Variants in FOSL1 observed in about 807,000 individuals in gnomAD.
FOSL1 encodes fos-related antigen 1.
A neutral mutation model predicts 24.9 loss-of-function variants in FOSL1; 14 were observed. The observed-to-expected ratio is 0.56, with a 90% confidence interval of 0.37 to 0.88. FOSL1 has a LOEUF of 0.88. Among genes scored for constraint, FOSL1 ranks in the 40% least tolerant of loss-of-function variants. The pLI is 0.00. For synonymous variants in FOSL1, 133 were observed against 145.1 expected (o/e 0.92, Z 0.60); for missense variants, 318 against 359.8 (o/e 0.88, Z 0.94).
chr11:65,894,186 G>A (rs1435150013), intron 2 of FOSL1, 65 bp from the exon 3 acceptor site: 1 of 1,205,910 alleles, frequency 8.3e-7, no homozygotes, highest in Non-Finnish European at 1.2e-6. Flanking sequence ...CGCCCCTCAT[G>A]GTGGCCCAGT....
chr11:65,893,374 TGAGGAGCTGGGGTTGGGCGGGGGGAGAG>T (rs1417768835), intron 3 of FOSL1, 78 bp from the exon 4 acceptor site: 6 of 1,194,902 alleles, frequency 5.0e-6, no homozygotes, highest in Non-Finnish European at 6.9e-6. Context: ...CTCAGGGTTC[TGAGGAGCTGGGGTTGGGCGGGGGGAGAG>T]GGGGGGCAGT....
chr11:65,894,282 G>A lies in FOSL1; in HGVS notation c.298-161C>T, dbSNP rs73494420. ...CACCCAACCAGTTCCCTGCACTGAG[G>A]CGCTGTCTGCTTTGATTGGTAAAAT... On this transcript the variant is annotated intron_variant, in intron 2 of 3. Transcript: ENST00000312562. Among the ~76,000 whole-genome samples, 1,496 of 152,262 alleles carry A rather than the reference G, an allele frequency of 9.8e-3. 21 individuals carry two copies. The highest frequency in any genetic ancestry group is 0.033 in the African/African-American group (1,387 of 41,538).
At chr11:65,897,525 A>G in intron 1 of FOSL1, among the ~76,000 whole-genome samples, 1 of 151,878 alleles carries the variant, frequency 6.6e-6, no homozygotes. Flanking sequence ...TTTGTGGTAG[A>G]GACAGGGTTT....
intron 3 of FOSL1, 94 bp from the exon 4 acceptor site, chr11:65,893,390 G>C (rs1250513379): frequency 2.0e-6 from 2 of 1,017,030 alleles, no homozygotes; most frequent in East Asian, 2.4e-5. Context: ...GCTGGGGTTG[G>C]GCGGGGGGAG....
Position 65,894,648 on chromosome 11 carries a change from G to T in FOSL1, c.298-527C>A, listed in dbSNP as rs573826810. On this transcript the variant is annotated intron_variant, in intron 2 of 3. Transcript: ENST00000312562. Reference sequence around the variant, plus strand: ...TTGTTTTTCACTGAGAACATGCAAAGATTTTATTTTATTTTATTTTATTTT... The same window carrying T: ...TTGTTTTTCACTGAGAACATGCAAATATTTTATTTTATTTTATTTTATTTT... Among the ~76,000 whole-genome samples, 49 of 152,100 alleles carry T rather than the reference G, an allele frequency of 3.2e-4. 2 individuals are homozygous for T. The highest frequency in any genetic ancestry group is 2.1e-3 in the Admixed American group (32 of 15,260).
Position 65,892,826 on chromosome 11 carries a change from G to T in FOSL1, c.*60C>A. 6.5e-7 allele frequency: 1 copy of T among 1,541,830 alleles called. No homozygotes were observed. The highest frequency in any genetic ancestry group is 8.8e-7 in the Non-Finnish European group (1 of 1,130,554). On this transcript the variant is annotated 3_prime_UTR_variant, in exon 4 of 4. Transcript: ENST00000312562. ...TACTGTCCAGGCCAGCTGGACCGGTGGGGGAAGGGGAGGAGACATTGGCTA... is the reference window on the plus strand; with the variant it reads ...TACTGTCCAGGCCAGCTGGACCGGTTGGGGAAGGGGAGGAGACATTGGCTA...
At position 65,893,392 on chromosome 11, in the gene FOSL1, C is replaced by A. The variant is rs558878871; in HGVS notation, c.406-96G>T. 1.2e-4 allele frequency: 45 copies of A among 381,798 alleles called. No individual in the cohort carries two copies. In the Middle Eastern group the frequency reaches 2.5e-3, roughly 21 times the overall value. 23.7% of individuals were successfully genotyped at this position (381,798 alleles called of 1,614,324 possible). ...AGGGTTCTGAGGAGCTGGGGTTGGGCGGGGGGAGAGGGGGGGCAGTGGAGA... is the reference window on the plus strand; with the variant it reads ...AGGGTTCTGAGGAGCTGGGGTTGGGAGGGGGGAGAGGGGGGGCAGTGGAGA... On this transcript the variant is annotated intron_variant, in intron 3 of 3. Transcript: ENST00000312562.
intron 2 of FOSL1, among the ~76,000 whole-genome samples, chr11:65,894,477 A>G (rs1860474818): frequency 6.6e-6 from 1 of 152,120 alleles, no homozygotes. Flanking sequence ...CCCTCTTTGC[A>G]GGACCCTCAT....
chr11:65,899,398 C>T lies in FOSL1; in HGVS notation c.99+843G>A, dbSNP rs551023982. Reference sequence around the variant, plus strand: ...GGGACGCCCCGGGTGACTCAGCCGCCGTGACTCGGCCGCCGTGACTCGGCG... The same window carrying T: ...GGGACGCCCCGGGTGACTCAGCCGCTGTGACTCGGCCGCCGTGACTCGGCG... On this transcript the variant is annotated intron_variant, in intron 1 of 3. Coordinates refer to ENST00000312562, the MANE Select transcript of FOSL1 (RefSeq NM_005438.5). Among the ~76,000 whole-genome samples, 506 of 152,288 alleles carry T rather than the reference C, an allele frequency of 3.3e-3. 1 individual carries two copies. The highest frequency in any genetic ancestry group is 0.012 in the African/African-American group (482 of 41,568).
In FOSL1 at chr11:65,893,126, T is replaced by C; in HGVS notation, c.576A>G (p.Pro192=). Residue 192 remains proline (P), a synonymous_variant, in exon 4 of 4, where the codon CCA becomes CCG. Coordinates refer to ENST00000312562, the MANE Select transcript of FOSL1 (RefSeq NM_005438.5). ...DTGSTSGTSS[P]PAPCRPVPCI... is the part of the protein sequence containing the mutation. ...AAGGTACAGGGCGGCAGGGGGCTGG[T>C]GGGCTGCTGGTGCCACTGGTACTGC... The C allele has an allele frequency of 1.9e-6, 3 of 1,612,836 alleles. No individual in the cohort carries two copies.
chr11:65,893,620 G>A (rs1024163905), intron 3 of FOSL1, among the ~76,000 whole-genome samples: 1 of 152,042 alleles, frequency 6.6e-6, no homozygotes, highest in African/African-American at 2.4e-5. Context: ...GCGAAACCCC[G>A]TCTCTACTAA....
chr11:65,892,818 G>A lies in FOSL1; in HGVS notation c.*68C>T, dbSNP rs1440573139. ...ATGTGGGATACTGTCCAGGCCAGCTGGACCGGTGGGGGAAGGGGAGGAGAC... is the reference window on the plus strand; with the variant it reads ...ATGTGGGATACTGTCCAGGCCAGCTAGACCGGTGGGGGAAGGGGAGGAGAC... On this transcript the variant is annotated 3_prime_UTR_variant, in exon 4 of 4. Transcript: ENST00000312562. 17 of 1,507,160 alleles carry A rather than the reference G, an allele frequency of 1.1e-5. No individual in the cohort carries two copies. The highest frequency in any genetic ancestry group is 2.7e-5 in the African/African-American group (2 of 73,148). The allele number at this position is 1,507,160 out of a possible 1,614,324, so 93.4% of individuals were successfully genotyped here. A position where few individuals can be genotyped will look rare whatever the true frequency, so the allele number is the denominator to read the frequency against.
rs769751521 is a variant in FOSL1, at chr11:65,896,906, G to C, written c.200C>G (p.Pro67Arg). Residue 67 changes from proline to arginine, a missense_variant, in exon 2 of 4, where the codon CCT becomes CGT. Pro to Arg is a moderately radical substitution (Grantham distance 103). Transcript: ENST00000312562. ...HFLGPSSYPR[P>R]LTYPQYSPPQ... ...GGGGCTGTACTGAGGGTAGGTCAGA[G>C]GCCTGGGGTAACTGCTGGGCCCCAG... is the stretch of plus-strand genomic sequence containing the variant. 1 of 1,613,926 alleles carries C rather than the reference G, an allele frequency of 6.2e-7. No individual in the cohort carries two copies. The highest frequency in any genetic ancestry group is 8.5e-7 in the Non-Finnish European group (1 of 1,179,802).
rs749528902 is a variant in FOSL1 at position 65,894,128 on chromosome 11, G to A, written c.298-7C>T. ...CCTCTTCCTCCGGGCTGATCTGGGG[G>A]TGAGACCCGCAGTGAGGAGGACCCT... On this transcript the variant is annotated splice_region_variant and splice_polypyrimidine_tract_variant and intron_variant, in intron 2 of 3. Coordinates refer to ENST00000312562, the MANE Select transcript of FOSL1 (RefSeq NM_005438.5). The A allele has an allele frequency of 1.8e-5, 28 of 1,595,632 alleles. No homozygotes were observed. The highest frequency in any genetic ancestry group is 6.8e-6 in the Non-Finnish European group (8 of 1,174,418).
chr11:65,899,738 A>C (rs949063754), intron 1 of FOSL1, among the ~76,000 whole-genome samples: 1 of 152,182 alleles, frequency 6.6e-6, no homozygotes, highest in African/African-American at 2.4e-5. Flanking sequence ...AAGGACAGAC[A>C]GACGGACGGA....
At chr11:65,897,276 C>T (rs1860551768) in intron 1 of FOSL1, among the ~76,000 whole-genome samples, 1 of 152,166 alleles carries the variant, frequency 6.6e-6, no homozygotes, top group Non-Finnish European at 1.5e-5. Flanking sequence ...ACTGTTCTAA[C>T]CACTTTACAA....
chr11:65,893,922 G>C (rs1860458183), intron 3 of FOSL1, 92 bp downstream of exon 3: 2 of 828,696 alleles, frequency 2.4e-6, no homozygotes, highest in Non-Finnish European at 4.0e-6. Flanking sequence ...CAAGGAGCTA[G>C]GATGGTGAGG....
rs1591083702 is a variant in FOSL1, at chr11:65,892,464, T to G, written c.*422A>C. ...CTGCTGCTGCTGGCAGTGGGGCTGG[T>G]GAGTTAGTGTTCTAGGTGGGTAAAG... On this transcript the variant is annotated 3_prime_UTR_variant, in exon 4 of 4. Coordinates refer to ENST00000312562, the MANE Select transcript of FOSL1 (RefSeq NM_005438.5). 2.5e-6 allele frequency: 1 copy of G among 401,352 alleles called. No homozygotes were observed. Among genetic ancestry groups the G allele is most frequent in the South Asian group, 1.8e-5 (1 of 56,930 alleles). 24.9% of individuals were successfully genotyped at this position (401,352 alleles called of 1,614,324 possible). A position where few individuals can be genotyped will look rare whatever the true frequency, so the allele number is the denominator to read the frequency against.
At chr11:65,899,489 ACCTGCAGCCTCCCGGGTGC>A (rs1860616557) in intron 1 of FOSL1, among the ~76,000 whole-genome samples, 1 of 152,164 alleles carries the variant, frequency 6.6e-6, no homozygotes, top group Non-Finnish European at 1.5e-5. Flanking sequence ...GGAAATGGGC[ACCTGCAGCCTCCCGGGTGC>A]CCCCCGGCGG....
Sources: gnomAD v4.1 joint callset for allele counts (sites outside exome capture counted in the v4.1 genomes callset) on GRCh38, gnomAD v4.1.1 for gene constraint, MANE v1.5 for transcripts, NCBI Gene and HGNC (gene_info 2026-07-23, HGNC 2026-07-21) for gene names.